The following OPRM1 variants were observed in gnomAD, a reference collection of about 807,000 sequenced individuals.
OPRM1 encodes mu-type opioid receptor.
In OPRM1, 27 loss-of-function variants were observed where a neutral mutation model predicts 31.8. That is an observed-to-expected ratio of 0.85 (90% CI 0.63 to 1.17). OPRM1 has a LOEUF of 1.17. OPRM1 is among the 50% of genes most tolerant of loss of function. The probability of loss-of-function intolerance (pLI) is 0.00; values close to 1 mark genes in which losing one functional copy is unlikely to be tolerated. For missense variants in OPRM1, 536 were observed against 511.1 expected (o/e 1.05, Z -0.47); for synonymous variants, 196 against 189.9 (o/e 1.03, Z -0.26).
In OPRM1 at chr6:154,092,843, C is replaced by A. The variant is rs17181269; in HGVS notation, c.1164+1371C>A. Among the ~76,000 whole-genome samples the A allele has an allele frequency of 7.5e-3, 1,140 of 152,308 alleles. 11 individuals are homozygous for A. The highest frequency in any genetic ancestry group is 0.025 in the African/African-American group (1,058 of 41,546). Reference sequence around the variant, plus strand: ...GAGAGCATGAGGTAATGATGGCAGACCCACTTCCAGACAAAGGGAAATTAA... The same window carrying A: ...GAGAGCATGAGGTAATGATGGCAGAACCACTTCCAGACAAAGGGAAATTAA... On this transcript the variant is annotated intron_variant, in intron 3 of 3. Transcript: ENST00000330432.
chr6:154,085,434 A>T (rs1790306637), intron 1 of OPRM1, among the ~76,000 whole-genome samples: 1 of 152,222 alleles, frequency 6.6e-6, no homozygotes, highest in African/African-American at 2.4e-5. Flanking sequence ...CATAAAACAA[A>T]AGAGCTATTT....
chr6:154,024,435 CTTAG>C (rs756187408), intron 1 of OPRM1, among the ~76,000 whole-genome samples: 11 of 151,564 alleles, frequency 7.3e-5, no homozygotes, highest in African/African-American at 1.7e-4. Flanking sequence ...CTCTTTTTTT[CTTAG>C]TTAGTCTGGC....
rs62436460 is a variant in OPRM1 at position 154,039,565 on chromosome 6, C to G, written c.21C>G (p.Pro7=). The G allele has an allele frequency of 2.4e-5, 39 of 1,612,642 alleles. No homozygotes were observed. Among genetic ancestry groups the G allele is most frequent in the African/African-American group, 9.3e-5 (7 of 74,924 alleles). Residue 7 remains proline, a synonymous_variant, in exon 1 of 4, where the codon CCC becomes CCG. Coordinates refer to ENST00000330432, the MANE Select transcript of OPRM1 (RefSeq NM_000914.5). MDSSAA[P]TNASNCTDAL... is the part of the protein sequence containing the mutation. ...GTACCATGGACAGCAGCGCTGCCCCCACGAACGCCAGCAATTGCACTGATG... is the reference window on the plus strand; with the variant it reads ...GTACCATGGACAGCAGCGCTGCCCCGACGAACGCCAGCAATTGCACTGATG...
chr6:154,199,771 T>C, intron 3 of OPRM1: 1 of 1,614,228 alleles, frequency 6.2e-7, no homozygotes, highest in Non-Finnish European at 8.5e-7. Context: ...AGTTCAAAAA[T>C]CCACTTTCTG....
At chr6:154,044,530 T>TA (rs1474669481) in intron 1 of OPRM1, among the ~76,000 whole-genome samples, 1 of 152,106 alleles carries the variant, frequency 6.6e-6, no homozygotes, top group Non-Finnish European at 1.5e-5. Context: ...TATTTTTTTT[T>TA]AAATGTGTTA....
In OPRM1 at chr6:154,130,208, GC is replaced by G. The variant is rs1372496460; in HGVS notation, c.*11490del. On this transcript the variant is annotated 3_prime_UTR_variant, in exon 4 of 4. Coordinates refer to ENST00000330432, the MANE Select transcript of OPRM1 (RefSeq NM_000914.5). ...TTTTTTGATGGAGTCTCACTCTGTC[GC>G]CCAGGCTGGAGTGCAGTGGCTCAAT... 7.5e-5 allele frequency among the ~76,000 whole-genome samples: 10 copies of G among 132,532 alleles called. No individual in the cohort carries two copies. Among genetic ancestry groups the G allele is most frequent in the Non-Finnish European group, 1.1e-4 (7 of 64,608 alleles). The allele number at this position is 132,532 out of a possible 152,430, so 86.9% of individuals were successfully genotyped here. A position where few individuals can be genotyped will look rare whatever the true frequency, so the allele number is the denominator to read the frequency against.
intron 3 of OPRM1, among the ~76,000 whole-genome samples, chr6:154,093,003 T>C (rs779573675): frequency 6.6e-6 from 1 of 152,218 alleles, no homozygotes; most frequent in Admixed American, 6.5e-5. Context: ...GAGCTACTTT[T>C]AAAAAGTAAT....
intron 3 of OPRM1, among the ~76,000 whole-genome samples, chr6:154,219,602 C>G (rs1038553763): frequency 6.6e-6 from 1 of 151,978 alleles, no homozygotes; most frequent in Non-Finnish European, 1.5e-5. Flanking sequence ...ACAGCAAGGG[C>G]TTTGCTAACC....
chr6:154,069,859 C>T (rs1030578495), intron 1 of OPRM1, among the ~76,000 whole-genome samples: 26 of 152,138 alleles, frequency 1.7e-4, no homozygotes, highest in Non-Finnish European at 2.2e-4. Context: ...GCCTCTCCCT[C>T]GGCTTGTTAG....
At chr6:154,209,349 ACT>A (rs923602105) in intron 3 of OPRM1, among the ~76,000 whole-genome samples, 1 of 152,040 alleles carries the variant, frequency 6.6e-6, no homozygotes, top group Non-Finnish European at 1.5e-5. Flanking sequence ...AGCTCAATTC[ACT>A]CTCTGCATAA....
rs1797331992 is a variant in OPRM1 at position 154,122,057 on chromosome 6, C to A, written c.*3336C>A. On this transcript the variant is annotated 3_prime_UTR_variant, in exon 4 of 4. Transcript: ENST00000330432. ...GCCATGAATACTGCAGAAGCTGATA[C>A]TATCCGTTGTGGTTTTACAAATTCT... 6.6e-6 allele frequency among the ~76,000 whole-genome samples: 1 copy of A among 152,148 alleles called. No homozygotes were observed. Among genetic ancestry groups the A allele is most frequent in the Admixed American group, 6.6e-5 (1 of 15,256 alleles).
chr6:154,175,106 G>A (rs1800203730), intron 3 of OPRM1, among the ~76,000 whole-genome samples: 1 of 152,136 alleles, frequency 6.6e-6, no homozygotes, highest in African/African-American at 2.4e-5. Flanking sequence ...CAGAAATAAA[G>A]ATGTTCTTTG....
At chr6:154,191,705 A>T (rs12189972) in intron 3 of OPRM1, among the ~76,000 whole-genome samples, 11,873 of 146,638 alleles carry the variant, frequency 0.081, 970 homozygotes, top group East Asian at 0.43. Context: ...AACAACAACA[A>T]CAACAAAGAG....
rs1180630488 is a variant in OPRM1, at chr6:154,124,742, A to G, written c.*6021A>G. Among the ~76,000 whole-genome samples the G allele has an allele frequency of 6.6e-6, 1 of 152,254 alleles. No individual in the cohort carries two copies. The highest frequency in any genetic ancestry group is 1.5e-5 in the Non-Finnish European group (1 of 68,040). Reference sequence around the variant, plus strand: ...CAGAAGCTTTATTGTTTATTTGGGAAGAGCAAGGTAAGAATCAAGTAGAAA... The same window carrying G: ...CAGAAGCTTTATTGTTTATTTGGGAGGAGCAAGGTAAGAATCAAGTAGAAA... On this transcript the variant is annotated 3_prime_UTR_variant, in exon 4 of 4. Coordinates refer to ENST00000330432, the MANE Select transcript of OPRM1 (RefSeq NM_000914.5).
chr6:154,084,234 G>C (rs527254167), intron 1 of OPRM1, among the ~76,000 whole-genome samples: 157 of 152,246 alleles, frequency 1.0e-3, no homozygotes, highest in African/African-American at 3.7e-3. Context: ...TAAATTAAAT[G>C]TTTCACAACA....
chr6:154,056,189 G>A (rs556378158), intron 1 of OPRM1, among the ~76,000 whole-genome samples: 18 of 151,970 alleles, frequency 1.2e-4, no homozygotes, highest in African/African-American at 4.1e-4. Flanking sequence ...AGAGGTGCCA[G>A]CTCGGCTCAC....
chr6:154,044,133 G>T (rs1259772813), intron 1 of OPRM1, among the ~76,000 whole-genome samples: 1 of 152,118 alleles, frequency 6.6e-6, no homozygotes, highest in Non-Finnish European at 1.5e-5. Context: ...GAGAGAGAGA[G>T]AGAGATAGAC....
intron 3 of OPRM1, among the ~76,000 whole-genome samples, chr6:154,097,289 G>A (rs781083179): frequency 6.6e-6 from 1 of 152,286 alleles, no homozygotes; most frequent in African/African-American, 2.4e-5. Context: ...GGGTCAAGAA[G>A]TTAGGAGATG....
intron 1 of OPRM1, among the ~76,000 whole-genome samples, chr6:154,048,454 TA>T (rs920945239): frequency 1.8e-4 from 27 of 151,708 alleles, no homozygotes; most frequent in East Asian, 3.9e-4. Context: ...CTACCATTGT[TA>T]AAAAAAAATT....
Sources: allele counts gnomAD v4.1 joint callset (sites outside exome capture counted in the v4.1 genomes callset), GRCh38; gene constraint gnomAD v4.1.1; transcripts MANE v1.5; gene names NCBI Gene and HGNC (gene_info 2026-07-23, HGNC 2026-07-21).